The following FANCI variants were observed in gnomAD, a reference collection of about 807,000 sequenced individuals.
FANCI encodes the protein FA complementation group I, also known as Fanconi anemia group I protein.
In FANCI, 156 loss-of-function variants were observed where a neutral mutation model predicts 176.1. The observed-to-expected ratio is 0.89, with a 90% CI of 0.78 to 1.01. The LOEUF (loss-of-function observed/expected upper bound fraction) is 1.01, where lower values mean the gene tolerates loss of function less well. Among genes scored for constraint, FANCI ranks in the 50% least tolerant of loss-of-function variants. FANCI has a pLI of 0.00. For synonymous variants in FANCI, 613 were observed against 541.7 expected, an observed-to-expected ratio of 1.13 and a Z score of -1.83; for missense variants, 1,678 against 1,534.1, an observed-to-expected ratio of 1.09 and a Z score of -1.57.
intron 24 of FANCI, among the ~76,000 whole-genome samples, chr15:89,295,730 G>T (rs2054235552): frequency 8.1e-6 from 1 of 123,188 alleles, no homozygotes; most frequent in African/African-American, 3.2e-5. Context: ...CCTTCCCCTG[G>T]CGCCCCCCCC....
rs143919129 is a variant in FANCI, at chr15:89,271,200, C to G, written c.883-2177C>G. The stretch of plus-strand genomic sequence containing the variant: ...ACAAAATTATTTTATTCTAAGCATG[C>G]AATCCAGTGATTTTTTTTCATAAAT... On this transcript the variant is annotated intron_variant, in intron 10 of 37. Transcript: ENST00000310775. Among the ~76,000 whole-genome samples, 16 of 152,198 alleles carry G rather than the reference C, an allele frequency of 1.1e-4. No individual in the cohort carries two copies. In the East Asian group the frequency reaches 3.1e-3, roughly 29 times the overall value.
At chr15:89,297,641 C>T (rs924342069) in intron 24 of FANCI, among the ~76,000 whole-genome samples, 2 of 152,000 alleles carry the variant, frequency 1.3e-5, no homozygotes, top group Non-Finnish European at 2.9e-5. Flanking sequence ...ATTGCAGGCA[C>T]TCGGCAGGCT....
At chr15:89,258,485 CAT>C (rs2052588861) in intron 2 of FANCI, among the ~76,000 whole-genome samples, 1 of 152,128 alleles carries the variant, frequency 6.6e-6, no homozygotes, top group African/African-American at 2.4e-5. Context: ...AAGTTATAAA[CAT>C]AAATGTTTAT....
At chr15:89,282,261 A>T (rs2151566172) in intron 16 of FANCI, 1 of 204,014 alleles carries the variant, frequency 4.9e-6, no homozygotes, top group Non-Finnish European at 1.0e-5. Flanking sequence ...AGCAGTTCCA[A>T]AGGGGAAAGT....
At chr15:89,293,359 T>C (rs1036901526) in intron 22 of FANCI, among the ~76,000 whole-genome samples, 4 of 152,182 alleles carry the variant, frequency 2.6e-5, no homozygotes, top group Non-Finnish European at 5.9e-5. Flanking sequence ...GGTGGTAGTA[T>C]TGGACTTTAA....
intron 18 of FANCI, 151 bp from the exon 19 acceptor site, chr15:89,290,062 A>G: frequency 1.5e-6 from 1 of 686,168 alleles, no homozygotes; most frequent in South Asian, 1.6e-5. Context: ...AAATATGGTC[A>G]TTTATATTAG....
At chr15:89,262,647 C>G (rs1195331628) in intron 6 of FANCI, among the ~76,000 whole-genome samples, 1 of 152,110 alleles carries the variant, frequency 6.6e-6, no homozygotes, top group African/African-American at 2.4e-5. Flanking sequence ...ACATAAGATC[C>G]CTTACATAAA....
chr15:89,303,556 A>AC (rs559072850), intron 27 of FANCI, among the ~76,000 whole-genome samples: 260 of 152,360 alleles, frequency 1.7e-3, no homozygotes, highest in African/African-American at 5.9e-3. Context: ...CATGGGAAAG[A>AC]AAAGAGGGCG....
chr15:89,264,709 C>G (rs2052865063), intron 9 of FANCI, 102 bp downstream of exon 9: 1 of 1,016,666 alleles, frequency 9.8e-7, no homozygotes, highest in East Asian at 2.7e-5. Flanking sequence ...CCTACCTTCA[C>G]CTCAGCACAA....
At chr15:89,268,695 C>T in intron 10 of FANCI, 170 bp downstream of exon 10, 1 of 720,440 alleles carries the variant, frequency 1.4e-6, no homozygotes, top group Admixed American at 2.7e-5. Flanking sequence ...ATGATGTTAC[C>T]ACACTCCCTT....
At chr15:89,274,779 G>A (rs530887828) in intron 12 of FANCI, among the ~76,000 whole-genome samples, 3 of 151,306 alleles carry the variant, frequency 2.0e-5, no homozygotes, top group South Asian at 2.1e-4. Context: ...TAATTTTTGC[G>A]TTTTTTGTAG....
intron 12 of FANCI, among the ~76,000 whole-genome samples, chr15:89,275,065 C>T (rs1184858982): frequency 6.7e-6 from 1 of 150,026 alleles, no homozygotes; most frequent in African/African-American, 2.4e-5. Context: ...TAGCCCTGTG[C>T]CTGGCTTGGC....
intron 9 of FANCI, among the ~76,000 whole-genome samples, chr15:89,266,457 T>A (rs957235142): frequency 2.4e-4 from 36 of 150,510 alleles, no homozygotes; most frequent in African/African-American, 8.6e-4. Flanking sequence ...GCCTCCCTAG[T>A]AGCTGGGGTT....
chr15:89,296,643 C>T (rs1356785383), intron 24 of FANCI, among the ~76,000 whole-genome samples: 6 of 152,196 alleles, frequency 3.9e-5, no homozygotes, highest in African/African-American at 4.8e-5. Context: ...TTTTCCCCAC[C>T]TTTCCCCCCT....
Position 89,307,429 on chromosome 15 carries a change from TA to T in FANCI, c.3538-46del, listed in dbSNP as rs2151940022. On this transcript the variant is annotated intron_variant, in intron 32 of 37. Coordinates refer to ENST00000310775, the MANE Select transcript of FANCI (RefSeq NM_001113378.2). ...ATAGGCTCACTGCAGCAGTCACTTG[TA>T]GTTTCATAGGACAGTCTACTAAATC... 6.4e-6 allele frequency: 10 copies of T among 1,565,876 alleles called. No homozygotes were observed. The East Asian group carries it at 2.3e-4, about 36-fold the overall frequency.
intron 9 of FANCI, among the ~76,000 whole-genome samples, chr15:89,265,872 G>A (rs2052927461): frequency 6.6e-6 from 1 of 152,090 alleles, no homozygotes; most frequent in South Asian, 2.1e-4. Flanking sequence ...TTCTGTGCCA[G>A]GGGCTATTCT....
At position 89,297,040 on chromosome 15, in the gene FANCI, CG is replaced by C. The variant is rs1379718072; in HGVS notation, c.2636+1950del. ...GGCTGACCCCCACCTCCCTCCTGGA[CG>C]GGGTGGCTGCCGGGTGGAGACGCTC... is the stretch of plus-strand genomic sequence containing the variant. On this transcript the variant is annotated intron_variant, in intron 24 of 37. Coordinates refer to ENST00000310775, the MANE Select transcript of FANCI (RefSeq NM_001113378.2). Among the ~76,000 whole-genome samples the C allele has an allele frequency of 1.9e-3, 286 of 148,600 alleles. 2 individuals are homozygous for C. Among genetic ancestry groups the C allele is most frequent in the African/African-American group, 6.9e-3 (275 of 39,940 alleles).
intron 9 of FANCI, among the ~76,000 whole-genome samples, chr15:89,267,732 G>C (rs73466694): frequency 0.044 from 6,660 of 152,190 alleles, 455 homozygotes; most frequent in African/African-American, 0.15. Flanking sequence ...TTCAAAACCA[G>C]CTGGGCAATA....
rs1003767917 is a variant in FANCI, at chr15:89,287,248, C to T, written c.1821+2030C>T. Among the ~76,000 whole-genome samples, 6 of 152,182 alleles carry T rather than the reference C, an allele frequency of 3.9e-5. No individual in the cohort carries two copies. The South Asian group carries it at 1.2e-3, about 32-fold the overall frequency. Reference sequence around the variant, plus strand: ...TCGGCCTCCTAAAGTGCTGGGATTACAGGCGTGAGCCACTGCGCCCAGCCC... The same window carrying T: ...TCGGCCTCCTAAAGTGCTGGGATTATAGGCGTGAGCCACTGCGCCCAGCCC... On this transcript the variant is annotated intron_variant, in intron 18 of 37. Coordinates refer to ENST00000310775, the MANE Select transcript of FANCI (RefSeq NM_001113378.2).
Sources: gnomAD v4.1 joint callset for allele counts (sites outside exome capture counted in the v4.1 genomes callset) on GRCh38, gnomAD v4.1.1 for gene constraint, MANE v1.5 for transcripts, NCBI Gene and HGNC (gene_info 2026-07-23, HGNC 2026-07-21) for gene names.